FNDC3A: variants seen among roughly 807,000 people sequenced by gnomAD.
The protein encoded by FNDC3A is fibronectin type-III domain-containing protein 3A.
In FNDC3A, 32 loss-of-function variants were observed where a neutral mutation model predicts 148.9. The ratio of observed to expected loss-of-function variants is 0.21; its 90% CI spans 0.16 to 0.29. The LOEUF is 0.29. Among genes scored for constraint, FNDC3A ranks in the 10% least tolerant of loss-of-function variants. The probability of loss-of-function intolerance (pLI) is 1.00; values close to 1 mark genes in which losing one functional copy is unlikely to be tolerated. For missense variants in FNDC3A, 1,191 were observed against 1,452.8 expected (o/e 0.82, Z 2.93); for synonymous variants, 472 against 473.6 (o/e 1.00, Z 0.04).
At chr13:49,069,073 T>A (rs762219936) in intron 2 of FNDC3A, among the ~76,000 whole-genome samples, 1 of 151,904 alleles carries the variant, frequency 6.6e-6, no homozygotes, top group African/African-American at 2.4e-5. Flanking sequence ...TTAAAAAAAA[T>A]GTACTGAAAA....
At chr13:49,015,703 A>G (rs987025811) in intron 2 of FNDC3A, among the ~76,000 whole-genome samples, 4 of 152,056 alleles carry the variant, frequency 2.6e-5, no homozygotes, top group African/African-American at 9.7e-5. Flanking sequence ...GAATGCTTCC[A>G]GTTTTTGCCC....
intron 1 of FNDC3A, among the ~76,000 whole-genome samples, 180 bp downstream of exon 1, chr13:48,976,357 A>G (rs1951597956): frequency 6.6e-6 from 1 of 152,140 alleles, no homozygotes; most frequent in South Asian, 2.1e-4. Context: ...CGCTGTGGGC[A>G]GAGGTGCAGA....
chr13:48,986,543 G>A (rs1259812604), intron 1 of FNDC3A, among the ~76,000 whole-genome samples: 6 of 151,578 alleles, frequency 4.0e-5, no homozygotes, highest in Non-Finnish European at 8.8e-5. Context: ...CCAGAAGCAC[G>A]TGCCACCACA....
intron 2 of FNDC3A, among the ~76,000 whole-genome samples, chr13:49,054,720 G>A (rs916485496): frequency 1.5e-4 from 23 of 152,192 alleles, no homozygotes; most frequent in Non-Finnish European, 2.8e-4. Flanking sequence ...CTCCCAGAGC[G>A]GCGTCCCCTC....
intron 2 of FNDC3A, among the ~76,000 whole-genome samples, chr13:49,012,185 G>A (rs531637385): frequency 5.9e-5 from 9 of 151,794 alleles, no homozygotes; most frequent in South Asian, 2.1e-4. Context: ...GCGCGATCTC[G>A]GCTTGCTGCA....
At chr13:49,115,184 G>C (rs1285247136) in intron 4 of FNDC3A, among the ~76,000 whole-genome samples, 2 of 404 alleles carry the variant, frequency 5.0e-3, no homozygotes, top group African/African-American at 0.011. Context: ...TGAGGGATGA[G>C]GGGGGGGGGG....
chr13:49,013,204 A>G (rs901794561), intron 2 of FNDC3A, among the ~76,000 whole-genome samples: 3 of 151,942 alleles, frequency 2.0e-5, no homozygotes, highest in African/African-American at 7.3e-5. Flanking sequence ...AGTACCAGCT[A>G]CTCAGGAGGC....
chr13:49,084,055 G>A (rs1465149686), intron 3 of FNDC3A, among the ~76,000 whole-genome samples: 1 of 152,132 alleles, frequency 6.6e-6, no homozygotes, highest in East Asian at 1.9e-4. Flanking sequence ...TATTGCTCAT[G>A]GTAGACCTAT....
chr13:49,036,710 A>G (rs1490506552), intron 2 of FNDC3A, among the ~76,000 whole-genome samples: 2 of 152,232 alleles, frequency 1.3e-5, no homozygotes, highest in Admixed American at 6.5e-5. Flanking sequence ...GCTAAGTGTC[A>G]TAATAGAAGG....
intron 10 of FNDC3A, among the ~76,000 whole-genome samples, chr13:49,171,829 G>C (rs555317794): frequency 1.3e-4 from 20 of 152,264 alleles, no homozygotes; most frequent in African/African-American, 4.6e-4. Context: ...TCAGTGTTCG[G>C]AAAGACTTGA....
intron 3 of FNDC3A, among the ~76,000 whole-genome samples, chr13:49,104,168 G>T (rs1303403748): frequency 6.6e-6 from 1 of 152,220 alleles, no homozygotes; most frequent in Non-Finnish European, 1.5e-5. Context: ...TTTCATCTCA[G>T]TGACTTTTGC....
chr13:49,013,036 C>T (rs979163668), intron 2 of FNDC3A, among the ~76,000 whole-genome samples: 1 of 151,972 alleles, frequency 6.6e-6, no homozygotes, highest in Admixed American at 6.6e-5. Flanking sequence ...AAAGGGTAAG[C>T]CAGGTGCAGT....
At chr13:49,021,358 A>G (rs1873313871) in intron 2 of FNDC3A, among the ~76,000 whole-genome samples, 1 of 152,214 alleles carries the variant, frequency 6.6e-6, no homozygotes, top group African/African-American at 2.4e-5. Flanking sequence ...CCCAGGGGGA[A>G]AGCTATTTGC....
chr13:49,058,845 A>G (rs895618354), intron 2 of FNDC3A, among the ~76,000 whole-genome samples: 1 of 152,172 alleles, frequency 6.6e-6, no homozygotes, highest in Non-Finnish European at 1.5e-5. Context: ...ATTTCACACC[A>G]TTCAGATTAA....
chr13:49,198,356 A>T lies in FNDC3A; in HGVS notation c.2775-6A>T. On this transcript the variant is annotated splice_region_variant and splice_polypyrimidine_tract_variant and intron_variant, in intron 22 of 25. Transcript: ENST00000492622. ...AACCAAACTTTTTTTCTTATGTGGCACTTAGAATACGAATTCAAGCCTTGA... is the reference window on the plus strand; with the variant it reads ...AACCAAACTTTTTTTCTTATGTGGCTCTTAGAATACGAATTCAAGCCTTGA... 1 of 1,613,878 alleles carries T rather than the reference A, an allele frequency of 6.2e-7. No homozygotes were observed. Among genetic ancestry groups the T allele is most frequent in the South Asian group, 1.1e-5 (1 of 91,072 alleles).
At chr13:49,067,345 C>T (rs538316849) in intron 2 of FNDC3A, among the ~76,000 whole-genome samples, 24 of 152,288 alleles carry the variant, frequency 1.6e-4, no homozygotes, top group African/African-American at 5.5e-4. Flanking sequence ...TCTAATTTCC[C>T]TGTTTATCCT....
At chr13:49,127,457 C>G (rs1881770588) in intron 4 of FNDC3A, among the ~76,000 whole-genome samples, 1 of 152,110 alleles carries the variant, frequency 6.6e-6, no homozygotes, top group Non-Finnish European at 1.5e-5. Context: ...CCAAAACTGC[C>G]CTCTTCAAGG....
intron 1 of FNDC3A, chr13:48,976,606 G>GCGGGGC (rs1318369077): frequency 1.3e-5 from 2 of 152,276 alleles, no homozygotes; most frequent in African/African-American, 4.8e-5. Context: ...GGGGGCGGGG[G>GCGGGGC]CTGGGGCGGA....
chr13:49,031,915 G>A (rs1874148500), intron 2 of FNDC3A, among the ~76,000 whole-genome samples: 1 of 152,144 alleles, frequency 6.6e-6, no homozygotes, highest in Admixed American at 6.5e-5. Flanking sequence ...TAAGGGGCTT[G>A]TATTCAGAAT....
Sources: allele counts gnomAD v4.1 joint callset (sites outside exome capture counted in the v4.1 genomes callset), GRCh38; gene constraint gnomAD v4.1.1; transcripts MANE v1.5; gene names NCBI Gene and HGNC (gene_info 2026-07-23, HGNC 2026-07-21).